Variants in OLA1 observed in about 807,000 individuals in gnomAD.
OLA1 encodes Obg like ATPase 1.
In OLA1, 14 loss-of-function variants were observed where a neutral mutation model predicts 48.4. That is an observed-to-expected ratio of 0.29 (90% confidence interval 0.19 to 0.45). The LOEUF (loss-of-function observed/expected upper bound fraction) is 0.45, where lower values mean the gene tolerates loss of function less well. OLA1 is among the 20% of genes least tolerant of loss of function. OLA1 has a pLI of 1.00. For missense variants in OLA1, 325 were observed against 467.1 expected (o/e 0.70, Z 2.80); for synonymous variants, 127 against 150.4 (o/e 0.84, Z 1.14).
chr2:174,129,878 A>T (rs116728303), intron 5 of OLA1, among the ~76,000 whole-genome samples: 3 of 152,210 alleles, frequency 2.0e-5, no homozygotes, highest in African/African-American at 4.8e-5. Context: ...TGTAATAATT[A>T]TAACTTCCAA....
intron 5 of OLA1, among the ~76,000 whole-genome samples, chr2:174,129,651 C>T (rs576688552): frequency 6.6e-6 from 1 of 151,936 alleles, no homozygotes; most frequent in East Asian, 1.9e-4. Context: ...AGATGCCAGA[C>T]AGCTTTTCCC....
intron 4 of OLA1, among the ~76,000 whole-genome samples, chr2:174,212,827 G>C (rs2105442317): frequency 6.6e-6 from 1 of 152,162 alleles, no homozygotes; most frequent in African/African-American, 2.4e-5. Context: ...AGGTCTTCAG[G>C]GGCAATAACA....
At chr2:174,087,537 AC>A in intron 7 of OLA1, among the ~76,000 whole-genome samples, 1 of 133,226 alleles carries the variant, frequency 7.5e-6, no homozygotes, top group East Asian at 2.0e-4. Flanking sequence ...TTTTGACCAC[AC>A]CCCCTAGTAA....
rs182711312 is a variant in OLA1 at position 174,225,036 on chromosome 2, G to A, written c.246-1876C>T. Among the ~76,000 whole-genome samples, 8 of 152,330 alleles carry A rather than the reference G, an allele frequency of 5.3e-5. No homozygotes were observed. The East Asian group carries it at 5.8e-4, about 11-fold the overall frequency. On this transcript the variant is annotated intron_variant, in intron 3 of 10. Transcript: ENST00000284719. The stretch of plus-strand genomic sequence containing the variant: ...CAAAACTTATGTTGAAATGTGATGC[G>A]TAATGGTGGAGGTGGGGCCTGGTGG...
intron 7 of OLA1, among the ~76,000 whole-genome samples, chr2:174,109,275 A>G (rs1374072160): frequency 2.0e-5 from 3 of 152,198 alleles, no homozygotes; most frequent in African/African-American, 4.8e-5. Flanking sequence ...TGAAGCTGAC[A>G]AAACTTCCCA....
intron 2 of OLA1, among the ~76,000 whole-genome samples, chr2:174,237,718 C>T: frequency 6.6e-6 from 1 of 152,198 alleles, no homozygotes; most frequent in Non-Finnish European, 1.5e-5. Context: ...CAGGCAACTA[C>T]ACTCCAGCCT....
chr2:174,122,476 A>T (rs1400803998), intron 7 of OLA1, among the ~76,000 whole-genome samples: 1 of 152,220 alleles, frequency 6.6e-6, no homozygotes, highest in Non-Finnish European at 1.5e-5. Flanking sequence ...TGCTTTGGAT[A>T]GTTTTGATTT....
Position 174,176,735 on chromosome 2 carries a change from A to G in OLA1, c.374-34735T>C, listed in dbSNP as rs924619696. On this transcript the variant is annotated intron_variant, in intron 4 of 10. Coordinates refer to ENST00000284719, the MANE Select transcript of OLA1 (RefSeq NM_013341.5). ...GACAAAGAGCTCTTTACCACAAAAA[A>G]GTGGGAGGTATGGGGATGAATTAAA... Among the ~76,000 whole-genome samples, 34 of 152,248 alleles carry G rather than the reference A, an allele frequency of 2.2e-4. 1 individual carries two copies. Among genetic ancestry groups the G allele is most frequent in the Middle Eastern group, 6.8e-3 (2 of 294 alleles).
At chr2:174,135,050 C>G (rs1686272656) in intron 5 of OLA1, among the ~76,000 whole-genome samples, 1 of 151,078 alleles carries the variant, frequency 6.6e-6, no homozygotes, top group South Asian at 2.1e-4. Context: ...GTCCCAGCTA[C>G]TCAGGAGGCT....
intron 7 of OLA1, among the ~76,000 whole-genome samples, chr2:174,119,873 A>G (rs1685873079): frequency 6.6e-6 from 1 of 152,114 alleles, no homozygotes; most frequent in African/African-American, 2.4e-5. Context: ...ATTGACTCAT[A>G]TAATATTACC....
intron 4 of OLA1, among the ~76,000 whole-genome samples, chr2:174,219,292 AAAGTATTCT>A (rs1688438799): frequency 6.6e-6 from 1 of 151,926 alleles, no homozygotes; most frequent in Non-Finnish European, 1.5e-5. Flanking sequence ...AAAAAAAAAA[AAAGTATTCT>A]AAGTATTCTA....
chr2:174,178,258 T>C (rs1016338604), intron 4 of OLA1, among the ~76,000 whole-genome samples: 1 of 152,034 alleles, frequency 6.6e-6, no homozygotes, highest in Non-Finnish European at 1.5e-5. Context: ...TATAGATGTT[T>C]GATGGCATAA....
At chr2:174,081,376 G>A (rs1684849966) in intron 8 of OLA1, 128 bp from the exon 9 acceptor site, 2 of 650,770 alleles carry the variant, frequency 3.1e-6, no homozygotes, top group Non-Finnish European at 5.3e-6. Flanking sequence ...TCATCTTTCA[G>A]AATACACTGG....
intron 4 of OLA1, among the ~76,000 whole-genome samples, chr2:174,216,511 A>T (rs193082775): frequency 4.7e-4 from 71 of 152,236 alleles, no homozygotes; most frequent in African/African-American, 1.6e-3. Context: ...TGAATAGATG[A>T]CAGTATCAAT....
chr2:174,133,387 G>GACTC (rs776546707), intron 5 of OLA1, among the ~76,000 whole-genome samples: 5 of 152,126 alleles, frequency 3.3e-5, no homozygotes, highest in African/African-American at 4.8e-5. Flanking sequence ...CTGAGACACA[G>GACTC]ACTCACTCTC....
chr2:174,231,758 A>G (rs146216093), intron 2 of OLA1, among the ~76,000 whole-genome samples: 2 of 152,312 alleles, frequency 1.3e-5, no homozygotes, highest in African/African-American at 4.8e-5. Context: ...ACAGCTTTGC[A>G]GGTATAAAAA....
At chr2:174,144,780 T>C (rs1686539066) in intron 4 of OLA1, among the ~76,000 whole-genome samples, 1 of 150,822 alleles carries the variant, frequency 6.6e-6, no homozygotes, top group South Asian at 2.1e-4. Flanking sequence ...TTGTGAGACC[T>C]TGTCCCTAAA....
At chr2:174,134,243 G>A (rs1686250243) in intron 5 of OLA1, among the ~76,000 whole-genome samples, 1 of 152,172 alleles carries the variant, frequency 6.6e-6, no homozygotes, top group South Asian at 2.1e-4. Flanking sequence ...AACTTTTAGA[G>A]AAACTGTCAA....
At chr2:174,167,804 T>C (rs1008772977) in intron 4 of OLA1, among the ~76,000 whole-genome samples, 1 of 152,218 alleles carries the variant, frequency 6.6e-6, no homozygotes. Context: ...GCTATCACTA[T>C]AGGAAGTAAA....
Sources: gnomAD v4.1 joint callset for allele counts (sites outside exome capture counted in the v4.1 genomes callset) on GRCh38, gnomAD v4.1.1 for gene constraint, MANE v1.5 for transcripts, NCBI Gene and HGNC (gene_info 2026-07-23, HGNC 2026-07-21) for gene names.